AK5: variants seen among roughly 807,000 people sequenced by gnomAD.
AK5 encodes the protein adenylate kinase isoenzyme 5.
Under a neutral mutation model 69.5 loss-of-function variants are expected in AK5, and 27 were observed. That is an observed-to-expected ratio of 0.39 (90% confidence interval 0.29 to 0.54). AK5 has a LOEUF of 0.54. Ranked by LOEUF, AK5 falls within the 20% of genes least tolerant of loss-of-function variation. AK5 has a pLI of 0.71. For missense variants in AK5, 531 were observed against 700.4 expected, an observed-to-expected ratio of 0.76 and a Z score of 2.73; for synonymous variants, 260 against 244.4, an observed-to-expected ratio of 1.06 and a Z score of -0.60.
intron 12 of AK5, chr1:77,531,996 G>C (rs1001499593): frequency 1.9e-4 from 27 of 138,990 alleles, no homozygotes; most frequent in African/African-American, 6.4e-4. Flanking sequence ...CCATCCGGCC[G>C]GCCGGCCGGC....
At chr1:77,447,390 A>T (rs1357914512) in intron 8 of AK5, among the ~76,000 whole-genome samples, 1 of 152,252 alleles carries the variant, frequency 6.6e-6, no homozygotes, top group Non-Finnish European at 1.5e-5. Context: ...CATAAAAGTG[A>T]ATGCCTCATC....
Position 77,282,282 on chromosome 1 carries a change from C to G in AK5, c.-32C>G, listed in dbSNP as rs1218193571. 1.9e-6 allele frequency: 3 copies of G among 1,538,726 alleles called. No individual in the cohort carries two copies. The highest frequency in any genetic ancestry group is 1.7e-4 in the Middle Eastern group (1 of 5,960). ...GGTCGCCGCAGCCCGGGAGCCTCCC[C>G]GCTTGCGCCCCAAGGCACGCGCGGC... On this transcript the variant is annotated 5_prime_UTR_variant, in exon 1 of 14. Transcript: ENST00000354567.
chr1:77,287,368 A>G (rs998177681), intron 2 of AK5, among the ~76,000 whole-genome samples: 2 of 152,202 alleles, frequency 1.3e-5, no homozygotes, highest in African/African-American at 4.8e-5. Context: ...TACTGACTTT[A>G]TTATTTTGCA....
In AK5 at chr1:77,367,608, G is replaced by GT. The variant is rs1557532941; in HGVS notation, c.891+27041dup. Among the ~76,000 whole-genome samples the GT allele has an allele frequency of 1.9e-3, 132 of 70,244 alleles. 14 individuals are homozygous for GT. Among genetic ancestry groups the GT allele is most frequent in the Non-Finnish European group, 2.3e-3 (91 of 39,452 alleles). The allele number at this position is 70,244 out of a possible 152,430, so 46.1% of individuals were successfully genotyped here. A position where few individuals can be genotyped will look rare whatever the true frequency, so the allele number is the denominator to read the frequency against. Reference sequence around the variant, plus strand: ...TATATGTTATATATGTAATATATATGTAATATATATGTTATATATGTAATA... The same window carrying GT: ...TATATGTTATATATGTAATATATATGTTAATATATATGTTATATATGTAATA... On this transcript the variant is annotated intron_variant, in intron 6 of 13. Transcript: ENST00000354567.
At chr1:77,468,609 C>T (rs561689523) in intron 8 of AK5, among the ~76,000 whole-genome samples, 85 of 152,232 alleles carry the variant, frequency 5.6e-4, no homozygotes, top group Admixed American at 1.1e-3. Flanking sequence ...CTGCTTTTGG[C>T]AGTTTTCTTT....
intron 5 of AK5, among the ~76,000 whole-genome samples, chr1:77,312,932 A>G (rs763713412): frequency 1.8e-4 from 28 of 152,018 alleles, no homozygotes; most frequent in East Asian, 3.9e-4. Context: ...TTAAGAACCT[A>G]TGCAGACCTT....
chr1:77,420,881 G>T (rs747688228), intron 8 of AK5, among the ~76,000 whole-genome samples: 1 of 152,068 alleles, frequency 6.6e-6, no homozygotes, highest in Non-Finnish European at 1.5e-5. Context: ...GGCTTTGTGG[G>T]CCCGTATGTT....
chr1:77,364,115 T>C (rs1385570186), intron 6 of AK5, among the ~76,000 whole-genome samples: 1 of 152,180 alleles, frequency 6.6e-6, no homozygotes, highest in Non-Finnish European at 1.5e-5. Flanking sequence ...TTGTCAATTA[T>C]ATCATGGTAC....
intron 6 of AK5, among the ~76,000 whole-genome samples, chr1:77,378,722 A>T (rs112289239): frequency 6.6e-6 from 1 of 152,360 alleles, no homozygotes; most frequent in Admixed American, 6.5e-5. Context: ...TGAAAAAAAT[A>T]TGCAGATGGA....
intron 7 of AK5, among the ~76,000 whole-genome samples, chr1:77,415,870 A>G (rs1192789664): frequency 1.3e-5 from 2 of 152,208 alleles, no homozygotes; most frequent in Non-Finnish European, 2.9e-5. Flanking sequence ...CACTTTCTAC[A>G]TGACCTAGGC....
chr1:77,342,112 C>T (rs534792842), intron 6 of AK5, among the ~76,000 whole-genome samples: 2 of 152,114 alleles, frequency 1.3e-5, no homozygotes, highest in Non-Finnish European at 2.9e-5. Flanking sequence ...GTTGGCCAGG[C>T]TGGTCTTGAA....
rs367729855 is a variant in AK5, at chr1:77,557,456, A to C, written c.1621-1146A>C. On this transcript the variant is annotated intron_variant, in intron 13 of 13. Transcript: ENST00000354567. ...GCTTGGCCAGGCCTTTACTTTCTGT[A>C]GATGATACAGGTGTAATGGAACAAA... 6 of 155,420 alleles carry C rather than the reference A, an allele frequency of 3.9e-5. 1 individual carries two copies. The highest frequency in any genetic ancestry group is 1.4e-4 in the African/African-American group (6 of 41,638). The allele number at this position is 155,420 out of a possible 1,614,324, so 9.6% of individuals were successfully genotyped here.
At chr1:77,375,204 T>TA (rs1171641337) in intron 6 of AK5, among the ~76,000 whole-genome samples, 2 of 152,208 alleles carry the variant, frequency 1.3e-5, no homozygotes, top group Non-Finnish European at 2.9e-5. Context: ...GGTCAGACCT[T>TA]ACGCTCATGA....
At chr1:77,376,275 T>C (rs1156726045) in intron 6 of AK5, among the ~76,000 whole-genome samples, 1 of 151,992 alleles carries the variant, frequency 6.6e-6, no homozygotes, top group African/African-American at 2.4e-5. Context: ...CCTCTCTCCA[T>C]CATTCTCCCT....
intron 6 of AK5, among the ~76,000 whole-genome samples, chr1:77,367,654 TTA>T (rs1428487118): frequency 0.012 from 1,279 of 102,670 alleles, 84 homozygotes; most frequent in African/African-American, 0.046. Context: ...GTTATATATG[TTA>T]TATATATGTT....
intron 10 of AK5, among the ~76,000 whole-genome samples, chr1:77,498,913 T>G (rs1656526529): frequency 1.3e-5 from 2 of 152,236 alleles, no homozygotes; most frequent in Admixed American, 6.5e-5. Context: ...TTAAGTGGTG[T>G]TTCACCTACA....
chr1:77,312,418 C>A (rs1660011492), intron 5 of AK5, among the ~76,000 whole-genome samples: 1 of 152,004 alleles, frequency 6.6e-6, no homozygotes, highest in African/African-American at 2.4e-5. Context: ...AGTTCAAGAC[C>A]AGGCTGGCCA....
chr1:77,387,136 T>C (rs947105743), intron 6 of AK5, among the ~76,000 whole-genome samples: 1 of 152,208 alleles, frequency 6.6e-6, no homozygotes, highest in Non-Finnish European at 1.5e-5. Context: ...CTATGGTGAA[T>C]AGTGCTGCAC....
At chr1:77,370,510 C>T (rs1246050936) in intron 6 of AK5, among the ~76,000 whole-genome samples, 3 of 151,890 alleles carry the variant, frequency 2.0e-5, no homozygotes, top group Non-Finnish European at 4.4e-5. Flanking sequence ...TAATCCACCA[C>T]ATTTTAATGA....
Sources: allele counts gnomAD v4.1 joint callset (sites outside exome capture counted in the v4.1 genomes callset), GRCh38; gene constraint gnomAD v4.1.1; transcripts MANE v1.5; gene names NCBI Gene and HGNC (gene_info 2026-07-23, HGNC 2026-07-21).